MTCL3: variants seen among roughly 807,000 people sequenced by gnomAD.
MTCL3 encodes MTCL family member 3, also known as microtubule cross-linking factor 3.
At chr6:127,479,399 A>G in the MTCL3 span, among the ~76,000 whole-genome samples, 1 of 152,236 alleles carries the variant, frequency 6.6e-6, no homozygotes, top group Non-Finnish European at 1.5e-5. Context: ...TTTATTTGAC[A>G]TGCAAGAGTA....
At chr6:127,507,082 T>C in the MTCL3 span, among the ~76,000 whole-genome samples, 1 of 152,200 alleles carries the variant, frequency 6.6e-6, no homozygotes, top group Non-Finnish European at 1.5e-5. Context: ...GAGACTTAAC[T>C]CTTATGAATA....
chr6:127,512,773 G>T, the MTCL3 span: 1 of 851,156 alleles, frequency 1.2e-6, no homozygotes, highest in Non-Finnish European at 1.8e-6. Flanking sequence ...ATTTGGGTAA[G>T]AGTAAAAAAT....
chr6:127,482,027 A>G, the MTCL3 span, among the ~76,000 whole-genome samples: 14 of 152,234 alleles, frequency 9.2e-5, no homozygotes, highest in African/African-American at 3.4e-4. The surrounding 1 kb of genome is among the most constrained non-coding windows in gnomAD (Gnocchi z 4.1). Context: ...GTTACTCTAT[A>G]TGGTCTAAAA....
chr6:127,513,083 T>C, the MTCL3 span: 1 of 1,545,992 alleles, frequency 6.5e-7, no homozygotes. Context: ...TAAAATATAA[T>C]TAATGACAAT....
the MTCL3 span, among the ~76,000 whole-genome samples, chr6:127,494,731 G>T: frequency 6.6e-6 from 1 of 152,078 alleles, no homozygotes; most frequent in Non-Finnish European, 1.5e-5. Flanking sequence ...CTGTCAAACT[G>T]CCAATAATAA....
the MTCL3 span, chr6:127,473,370 G>A: frequency 6.5e-7 from 1 of 1,538,686 alleles, no homozygotes; most frequent in Non-Finnish European, 8.7e-7. Context: ...ATGAGAATAA[G>A]TAAAATGATA....
chr6:127,475,522 T>C, the MTCL3 span: 3 of 1,613,142 alleles, frequency 1.9e-6, no homozygotes, highest in Non-Finnish European at 2.5e-6. The surrounding 1 kb of genome is among the most constrained non-coding windows in gnomAD (Gnocchi z 7.3). Context: ...GGTGCTCGTG[T>C]CGGCGATGAG....
the MTCL3 span, among the ~76,000 whole-genome samples, chr6:127,474,027 A>G: frequency 6.6e-6 from 1 of 152,138 alleles, no homozygotes; most frequent in African/African-American, 2.4e-5. Context: ...AATAGTTATT[A>G]CTATTTCTCT....
the MTCL3 span, among the ~76,000 whole-genome samples, chr6:127,488,301 C>T: frequency 6.6e-6 from 1 of 152,200 alleles, no homozygotes; most frequent in African/African-American, 2.4e-5. Flanking sequence ...CATTCTCTTC[C>T]TTTGCATATT....
chr6:127,516,235 G>A, the MTCL3 span: 3 of 1,433,710 alleles, frequency 2.1e-6, no homozygotes, highest in Non-Finnish European at 2.7e-6. Flanking sequence ...CGCGGCGGGG[G>A]CCGCTTCAGC....
chr6:127,503,889 G>A, the MTCL3 span, among the ~76,000 whole-genome samples: 1,519 of 152,116 alleles, frequency 1.0e-2, 11 homozygotes, highest in Middle Eastern at 0.024. Flanking sequence ...TGCAAAAATC[G>A]GGCATGAAAC....
At chr6:127,501,246 T>C in the MTCL3 span, among the ~76,000 whole-genome samples, 1 of 152,190 alleles carries the variant, frequency 6.6e-6, no homozygotes, top group Non-Finnish European at 1.5e-5. Flanking sequence ...AGAACATAAT[T>C]ATTCTAATTT....
the MTCL3 span, among the ~76,000 whole-genome samples, chr6:127,497,861 G>A: frequency 2.6e-5 from 4 of 152,108 alleles, no homozygotes; most frequent in Non-Finnish European, 4.4e-5. Flanking sequence ...TAGTCTTTTC[G>A]ACAAACGGTG....
chr6:127,490,358 A>G, the MTCL3 span, among the ~76,000 whole-genome samples: 2 of 152,170 alleles, frequency 1.3e-5, no homozygotes, highest in Non-Finnish European at 2.9e-5. Context: ...CACAAAATCC[A>G]TTCTGCAGCC....
the MTCL3 span, among the ~76,000 whole-genome samples, chr6:127,496,981 A>G: frequency 1.3e-5 from 2 of 152,326 alleles, no homozygotes; most frequent in Middle Eastern, 6.8e-3. Flanking sequence ...CATAGATAAA[A>G]GAAGTAGATT....
chr6:127,495,211 AAT>A, the MTCL3 span, among the ~76,000 whole-genome samples: 5 of 148,886 alleles, frequency 3.4e-5, no homozygotes, highest in East Asian at 6.1e-4. Flanking sequence ...AAAAAAAAAA[AAT>A]TATTTTATAT....
At chr6:127,508,791 C>T in the MTCL3 span, among the ~76,000 whole-genome samples, 1 of 152,126 alleles carries the variant, frequency 6.6e-6, no homozygotes, top group Admixed American at 6.5e-5. Flanking sequence ...TCAGATGACC[C>T]TTCTTCTCTT....
At chr6:127,503,942 T>C in the MTCL3 span, among the ~76,000 whole-genome samples, 4 of 152,232 alleles carry the variant, frequency 2.6e-5, no homozygotes, top group Non-Finnish European at 5.9e-5. Context: ...AAATTACTTA[T>C]TGTTTATCAA....
At chr6:127,501,289 A>C in the MTCL3 span, among the ~76,000 whole-genome samples, 5 of 152,228 alleles carry the variant, frequency 3.3e-5, no homozygotes, top group Admixed American at 6.5e-5. Flanking sequence ...GAATAAACCC[A>C]ATAGCTACAT....
Sources: allele counts gnomAD v4.1 joint callset (sites outside exome capture counted in the v4.1 genomes callset), GRCh38; gene constraint gnomAD v4.1.1; non-coding constraint Gnocchi (gnomAD v3.1); transcripts MANE v1.5; gene names NCBI Gene and HGNC (gene_info 2026-07-23, HGNC 2026-07-21).